Variants in MRPL48 observed in about 807,000 individuals in gnomAD.
MRPL48 encodes mitochondrial ribosomal protein L48, also known as large ribosomal subunit protein mL48.
MRPL48 carries 16 observed loss-of-function variants against 32.9 expected under a neutral mutation model. The ratio of observed to expected loss-of-function variants is 0.49; its 90% CI spans 0.33 to 0.74. The LOEUF (loss-of-function observed/expected upper bound fraction) is 0.74, where lower values mean the gene tolerates loss of function less well. Ranked by LOEUF, MRPL48 falls within the 30% of genes least tolerant of loss-of-function variation. MRPL48 has a pLI of 0.02. For synonymous variants in MRPL48, 94 were observed against 89.2 expected (o/e 1.05, Z -0.31); for missense variants, 206 against 245.3 (o/e 0.84, Z 1.07).
intron 1 of MRPL48, among the ~76,000 whole-genome samples, chr11:73,804,637 T>G (rs1947418485): frequency 6.6e-6 from 1 of 152,226 alleles, no homozygotes; most frequent in Admixed American, 6.5e-5. Flanking sequence ...TGGGTCTCAG[T>G]TGCTTTACTT....
chr11:73,835,177 C>T (rs1435246191), intron 4 of MRPL48, among the ~76,000 whole-genome samples: 1 of 132,806 alleles, frequency 7.5e-6, no homozygotes. Context: ...AAGTCTCGCT[C>T]TGTCACCAGG....
chr11:73,811,045 T>A (rs1451243061), intron 3 of MRPL48, among the ~76,000 whole-genome samples: 1 of 152,108 alleles, frequency 6.6e-6, no homozygotes, highest in African/African-American at 2.4e-5. Context: ...CTTAAAAATC[T>A]GGGTAGAGGG....
At chr11:73,794,959 G>A (rs1590928083) in intron 1 of MRPL48, among the ~76,000 whole-genome samples, 1 of 150,178 alleles carries the variant, frequency 6.7e-6, no homozygotes, top group South Asian at 2.1e-4. Flanking sequence ...CGCCCAGGCT[G>A]GAGTGCAATA....
chr11:73,863,642 C>T (rs986587166), intron 7 of MRPL48, among the ~76,000 whole-genome samples: 2 of 152,202 alleles, frequency 1.3e-5, no homozygotes, highest in Non-Finnish European at 2.9e-5. Flanking sequence ...CCTGGATCTT[C>T]AAGGCTTGAC....
chr11:73,846,729 GTC>G (rs1379022338), intron 5 of MRPL48, among the ~76,000 whole-genome samples: 3 of 150,850 alleles, frequency 2.0e-5, no homozygotes, highest in African/African-American at 7.3e-5. Flanking sequence ...TGCAGTCATG[GTC>G]TCTCTCTCCC....
intron 1 of MRPL48, among the ~76,000 whole-genome samples, chr11:73,804,300 G>A (rs1316248198): frequency 6.8e-5 from 10 of 146,886 alleles, no homozygotes; most frequent in Admixed American, 6.2e-4. Context: ...TTTTTGAGAC[G>A]GAATCTCATT....
chr11:73,828,294 G>A lies in MRPL48; in HGVS notation c.201+2498G>A, dbSNP rs541188004. On this transcript the variant is annotated intron_variant, in intron 4 of 7. Coordinates refer to ENST00000310614, the MANE Select transcript of MRPL48 (RefSeq NM_016055.6). Reference sequence around the variant, plus strand: ...GGCTGGAGTGCAGTGGTGCGATCTCGGCTCACTACAACCTCTGCCTCCTGG... The same window carrying A: ...GGCTGGAGTGCAGTGGTGCGATCTCAGCTCACTACAACCTCTGCCTCCTGG... Among the ~76,000 whole-genome samples the A allele has an allele frequency of 1.2e-4, 18 of 150,030 alleles. No individual in the cohort carries two copies. The South Asian group carries it at 2.5e-3, about 21-fold the overall frequency.
chr11:73,841,217 TA>T (rs1948181043), intron 4 of MRPL48, among the ~76,000 whole-genome samples: 1 of 152,348 alleles, frequency 6.6e-6, no homozygotes, highest in East Asian at 1.9e-4. Context: ...GAAACTACTC[TA>T]CAAAACTGTT....
rs897784215 is a variant in MRPL48, at chr11:73,831,697, T to C, written c.201+5901T>C. Among the ~76,000 whole-genome samples, 37 of 152,088 alleles carry C rather than the reference T, an allele frequency of 2.4e-4. 1 individual carries two copies. Among genetic ancestry groups the C allele is most frequent in the Non-Finnish European group, 5.0e-4 (34 of 67,976 alleles). ...GGCTCATGCCTATAATCCCAGCACT[T>C]TGGGAGGCCGAGGGGGGAGGATCAC... On this transcript the variant is annotated intron_variant, in intron 4 of 7. Coordinates refer to ENST00000310614, the MANE Select transcript of MRPL48 (RefSeq NM_016055.6).
chr11:73,830,899 G>A (rs1792185), intron 4 of MRPL48, among the ~76,000 whole-genome samples: 12,189 of 151,452 alleles, frequency 0.08, 672 homozygotes, highest in African/African-American at 0.16. Flanking sequence ...GAGTTCAGTG[G>A]TGCCATCTCG....
chr11:73,848,764 T>C (rs1394106557), intron 5 of MRPL48, among the ~76,000 whole-genome samples: 3 of 152,130 alleles, frequency 2.0e-5, no homozygotes, highest in Non-Finnish European at 4.4e-5. Context: ...GGATGCCCTC[T>C]GGTTTTCCTT....
Position 73,817,625 on chromosome 11 carries a change from T to G in MRPL48, c.113-8083T>G, listed in dbSNP as rs187032942. On this transcript the variant is annotated intron_variant, in intron 3 of 7. Coordinates refer to ENST00000310614, the MANE Select transcript of MRPL48 (RefSeq NM_016055.6). ...ATATTTTTGTACATTTACTTGCTATTTATTTATTCTTTCCTTTGCCCATGT... is the reference window on the plus strand; with the variant it reads ...ATATTTTTGTACATTTACTTGCTATGTATTTATTCTTTCCTTTGCCCATGT... Among the ~76,000 whole-genome samples the G allele has an allele frequency of 2.4e-3, 360 of 152,334 alleles. 3 individuals are homozygous for G. Among genetic ancestry groups the G allele is most frequent in the African/African-American group, 8.4e-3 (349 of 41,582 alleles).
At chr11:73,803,633 A>G (rs1025378743) in intron 1 of MRPL48, among the ~76,000 whole-genome samples, 2 of 151,928 alleles carry the variant, frequency 1.3e-5, no homozygotes, top group African/African-American at 4.8e-5. Flanking sequence ...TTGTTTTTGC[A>G]TACTAGACTT....
Position 73,822,953 on chromosome 11 carries a change from C to T in MRPL48, c.113-2755C>T, listed in dbSNP as rs115252473. The T allele has an allele frequency of 1.3e-3, 599 of 452,754 alleles. 6 individuals are homozygous for T. The highest frequency in any genetic ancestry group is 0.011 in the African/African-American group (548 of 50,076). 28.0% of individuals were successfully genotyped at this position (452,754 alleles called of 1,614,324 possible). A position where few individuals can be genotyped will look rare whatever the true frequency, so the allele number is the denominator to read the frequency against. ...GCACATATGAGGGATCCAGGTTGAG[C>T]ACTACTCATTCTGAGAATCTAATGC... On this transcript the variant is annotated intron_variant, in intron 3 of 7. Coordinates refer to ENST00000310614, the MANE Select transcript of MRPL48 (RefSeq NM_016055.6).
chr11:73,836,435 G>T (rs1201794654), intron 4 of MRPL48, among the ~76,000 whole-genome samples: 1 of 152,118 alleles, frequency 6.6e-6, no homozygotes, highest in Non-Finnish European at 1.5e-5. Flanking sequence ...CTGACCTCAG[G>T]TGATCCTCCC....
rs931735928 is a variant in MRPL48, at chr11:73,830,776, G to A, written c.201+4980G>A. Among the ~76,000 whole-genome samples the A allele has an allele frequency of 5.3e-5, 8 of 151,416 alleles. 1 individual carries two copies. The South Asian group carries it at 6.3e-4, about 12-fold the overall frequency. ...TCCCACACTCAGTCTTATGACTTAC[G>A]CATCTTGGGAAGGAAGGGGGTATCT... is the stretch of plus-strand genomic sequence containing the variant. On this transcript the variant is annotated intron_variant, in intron 4 of 7. Transcript: ENST00000310614.
rs1947500086 is a variant in MRPL48 at position 73,808,477 on chromosome 11, C to T, written c.112+127C>T. On this transcript the variant is annotated intron_variant, in intron 3 of 7. Coordinates refer to ENST00000310614, the MANE Select transcript of MRPL48 (RefSeq NM_016055.6). ...GTGGCCTGAACCAAACCCCACCCCT[C>T]CATGTGAGCATGGAATAGAACCATG... 4.6e-6 allele frequency: 4 copies of T among 878,546 alleles called. No homozygotes were observed. In the Admixed American group the frequency reaches 7.2e-5, roughly 16 times the overall value. The allele number at this position is 878,546 out of a possible 1,614,324, so 54.4% of individuals were successfully genotyped here.
rs761515885 is a variant in MRPL48, at chr11:73,825,801, C to T, written c.201+5C>T. On this transcript the variant is annotated splice_donor_5th_base_variant and intron_variant, in intron 4 of 7. Transcript: ENST00000310614. ...CACTTAATTAAAGCAGAAGAGGTAACGGGCAGGGGGAGTCTTTTGGAAAAG... is the reference window on the plus strand; with the variant it reads ...CACTTAATTAAAGCAGAAGAGGTAATGGGCAGGGGGAGTCTTTTGGAAAAG... The T allele has an allele frequency of 1.0e-4, 160 of 1,556,896 alleles. 1 individual carries two copies. Among genetic ancestry groups the T allele is most frequent in the Non-Finnish European group, 1.3e-4 (144 of 1,149,892 alleles).
At chr11:73,848,193 T>C (rs1948330035) in intron 5 of MRPL48, among the ~76,000 whole-genome samples, 1 of 152,130 alleles carries the variant, frequency 6.6e-6, no homozygotes. Context: ...TTTTGGCATA[T>C]GAATATTCAG....
Sources: gnomAD v4.1 joint callset for allele counts (sites outside exome capture counted in the v4.1 genomes callset) on GRCh38, gnomAD v4.1.1 for gene constraint, MANE v1.5 for transcripts, NCBI Gene and HGNC (gene_info 2026-07-23, HGNC 2026-07-21) for gene names.